The following SKAP1 variants were observed in gnomAD, a reference collection of about 807,000 sequenced individuals.
SKAP1 encodes the protein src kinase-associated phosphoprotein 1.
A neutral mutation model predicts 58.5 loss-of-function variants in SKAP1; 44 were observed. The observed-to-expected ratio is 0.75, with a 90% CI of 0.59 to 0.97. The LOEUF (loss-of-function observed/expected upper bound fraction) is 0.97, where lower values mean the gene tolerates loss of function less well. SKAP1 is among the 50% of genes least tolerant of loss of function. The pLI is 0.00. For missense variants in SKAP1, 390 were observed against 435.2 expected (o/e 0.90, Z 0.92); for synonymous variants, 127 against 149.7 (o/e 0.85, Z 1.11).
chr17:48,405,444 T>TCCTTC (rs772160504), intron 1 of SKAP1, among the ~76,000 whole-genome samples: 1 of 72,060 alleles, frequency 1.4e-5, no homozygotes, highest in African/African-American at 5.3e-5. Flanking sequence ...TTTCTTTCTT[T>TCCTTC]CTTTCTTTTC....
At chr17:48,305,476 G>A (rs1300043999) in intron 4 of SKAP1, among the ~76,000 whole-genome samples, 1 of 152,192 alleles carries the variant, frequency 6.6e-6, no homozygotes, top group African/African-American at 2.4e-5. Flanking sequence ...AAAGCCTAAA[G>A]TACTTACTAT....
intron 4 of SKAP1, among the ~76,000 whole-genome samples, chr17:48,239,820 T>G (rs1367289608): frequency 7.8e-6 from 1 of 127,416 alleles, no homozygotes; most frequent in African/African-American, 2.8e-5. Flanking sequence ...CCACCAACAG[T>G]AATTAGAATG....
intron 4 of SKAP1, among the ~76,000 whole-genome samples, chr17:48,339,807 C>T (rs2066623333): frequency 6.6e-6 from 1 of 152,102 alleles, no homozygotes; most frequent in African/African-American, 2.4e-5. Context: ...AATTTATACA[C>T]TAAAATCAGG....
intron 4 of SKAP1, among the ~76,000 whole-genome samples, chr17:48,271,690 A>G (rs2065635602): frequency 6.6e-6 from 1 of 151,836 alleles, no homozygotes; most frequent in African/African-American, 2.4e-5. Context: ...TTTTTTCTCT[A>G]TTCAGTGATT....
chr17:48,430,176 G>C lies in SKAP1; in HGVS notation c.-56C>G, dbSNP rs968360830. ...CGCGGGCCCTGGTCGGGAGGCGGAC[G>C]GGCTGGAAGGCGACCCGGCTGCACC... is the stretch of plus-strand genomic sequence containing the variant. On this transcript the variant is annotated 5_prime_UTR_variant, in exon 1 of 13. Transcript: ENST00000336915. The C allele has an allele frequency of 8.1e-7, 1 of 1,237,942 alleles. No homozygotes were observed. The highest frequency in any genetic ancestry group is 4.2e-5 in the Admixed American group (1 of 23,612). The allele number at this position is 1,237,942 out of a possible 1,614,324, so 76.7% of individuals were successfully genotyped here.
At chr17:48,136,986 CATTTTT>C in intron 12 of SKAP1, 1 of 361,394 alleles carries the variant, frequency 2.8e-6, no homozygotes, top group Non-Finnish European at 5.2e-6. Context: ...TTAATTAAGT[CATTTTT>C]AGTTTAGATT....
chr17:48,279,522 A>G (rs1478804513), intron 4 of SKAP1, among the ~76,000 whole-genome samples: 1 of 152,208 alleles, frequency 6.6e-6, no homozygotes, highest in African/African-American at 2.4e-5. Flanking sequence ...TTTACATGAA[A>G]GAGTTCATTA....
chr17:48,183,932 T>G (rs2064406057), intron 7 of SKAP1, among the ~76,000 whole-genome samples: 1 of 152,170 alleles, frequency 6.6e-6, no homozygotes, highest in East Asian at 1.9e-4. Context: ...TTTCATAAGC[T>G]AAAGTTTTTC....
the SKAP1 span, among the ~76,000 whole-genome samples, chr17:48,436,103 C>T: frequency 0.044 from 6,659 of 151,264 alleles, 455 homozygotes; most frequent in African/African-American, 0.15. Context: ...TGGAGTTTCA[C>T]TCTTGTTGCC....
At position 48,302,725 on chromosome 17, in the gene SKAP1, T is replaced by C. The variant is rs983400340; in HGVS notation, c.280+43180A>G. 5.9e-5 allele frequency among the ~76,000 whole-genome samples: 9 copies of C among 152,344 alleles called. No individual in the cohort carries two copies. In the East Asian group the frequency reaches 1.7e-3, roughly 29 times the overall value. On this transcript the variant is annotated intron_variant, in intron 4 of 12. Coordinates refer to ENST00000336915, the MANE Select transcript of SKAP1 (RefSeq NM_003726.4). The stretch of plus-strand genomic sequence containing the variant: ...AGAATCCATGAGTTTCTGTGGTGCA[T>C]TCTAATGCTCAGTTAAAATCCATCC...
chr17:48,162,178 C>T (rs2064078522), intron 11 of SKAP1, among the ~76,000 whole-genome samples: 1 of 152,190 alleles, frequency 6.6e-6, no homozygotes, highest in Admixed American at 6.5e-5. Context: ...GTTGCCCAGG[C>T]TGGTCTTGAA....
intron 10 of SKAP1, among the ~76,000 whole-genome samples, chr17:48,168,319 G>T (rs1335550608): frequency 6.6e-6 from 1 of 152,142 alleles, no homozygotes; most frequent in Non-Finnish European, 1.5e-5. Flanking sequence ...AGAAGGGAAA[G>T]GTCAACTTGC....
the SKAP1 span, among the ~76,000 whole-genome samples, chr17:48,442,650 C>T: frequency 6.6e-6 from 1 of 152,150 alleles, no homozygotes; most frequent in Non-Finnish European, 1.5e-5. Flanking sequence ...ATCTGGAACC[C>T]TGGGGGGTCA....
At chr17:48,405,426 TTTC>T (rs1890909569) in intron 1 of SKAP1, among the ~76,000 whole-genome samples, 17 of 83,702 alleles carry the variant, frequency 2.0e-4, no homozygotes, top group South Asian at 7.5e-4. Context: ...TCTTTCTTTC[TTTC>T]TTTCTTTCTT....
rs374663917 is a variant in SKAP1 at position 48,136,257 on chromosome 17, T to C, written c.*7+972A>G. On this transcript the variant is annotated intron_variant, in intron 12 of 12. Coordinates refer to ENST00000336915, the MANE Select transcript of SKAP1 (RefSeq NM_003726.4). ...CGTGATCTTGGCTCACTGCAACCTA[T>C]GCCTCCCGGGTTCAAGCGATTCTCC... Among the ~76,000 whole-genome samples, 25 of 151,534 alleles carry C rather than the reference T, an allele frequency of 1.6e-4. No individual in the cohort carries two copies. The East Asian group carries it at 2.7e-3, about 17-fold the overall frequency.
chr17:48,355,415 C>T (rs1213521410), intron 3 of SKAP1, among the ~76,000 whole-genome samples: 1 of 152,084 alleles, frequency 6.6e-6, no homozygotes, highest in Non-Finnish European at 1.5e-5. Context: ...GTAGCTGGGA[C>T]CACAGGTGCA....
chr17:48,177,947 A>C (rs2064313496), intron 9 of SKAP1, among the ~76,000 whole-genome samples: 1 of 152,070 alleles, frequency 6.6e-6, no homozygotes, highest in Admixed American at 6.5e-5. Flanking sequence ...GGCCTTCCTC[A>C]CTTCCAATGG....
At chr17:48,222,271 G>A (rs1179943685) in intron 4 of SKAP1, among the ~76,000 whole-genome samples, 2 of 152,084 alleles carry the variant, frequency 1.3e-5, no homozygotes, top group Non-Finnish European at 2.9e-5. Context: ...ATCAATAATA[G>A]TTTTAGCTAT....
intron 2 of SKAP1, among the ~76,000 whole-genome samples, chr17:48,392,935 C>A (rs1424119957): frequency 6.6e-6 from 1 of 151,928 alleles, no homozygotes; most frequent in Non-Finnish European, 1.5e-5. Flanking sequence ...CAGATGGCCT[C>A]CACTGAATCA....
Sources: allele counts gnomAD v4.1 joint callset (sites outside exome capture counted in the v4.1 genomes callset), GRCh38; gene constraint gnomAD v4.1.1; transcripts MANE v1.5; gene names NCBI Gene and HGNC (gene_info 2026-07-23, HGNC 2026-07-21).